The following SRPK1 variants were observed in gnomAD, a reference collection of about 807,000 sequenced individuals.
The protein encoded by SRPK1 is SFRS protein kinase 1.
SRPK1 carries 52 observed loss-of-function variants against 89.5 expected under a neutral mutation model. That is an observed-to-expected ratio of 0.58 (90% CI 0.46 to 0.73). The LOEUF (loss-of-function observed/expected upper bound fraction) is 0.73. SRPK1 is among the 30% of genes least tolerant of loss of function. The pLI, the probability that SRPK1 is intolerant of heterozygous loss-of-function variation, is 0.00. For missense variants in SRPK1, 603 were observed against 780.6 expected, an observed-to-expected ratio of 0.77 and a Z score of 2.71; for synonymous variants, 255 against 270.2, an observed-to-expected ratio of 0.94 and a Z score of 0.55.
rs1769333951 is a variant in SRPK1, at chr6:35,842,548, G to A, written c.1677C>T (p.Tyr559=). ...AAGGGGACTCACCTTCATCTCGAGT[G>A]TACTCTTCCCCTGAATGAGGTTCAA... ...YLFEPHSGEE[Y]TRDEDHIALI... Residue 559 remains tyrosine (Y), a synonymous_variant, in exon 14 of 16, where the codon TAC becomes TAT. Transcript: ENST00000373825. 1 of 1,611,562 alleles carries A rather than the reference G, an allele frequency of 6.2e-7. No individual in the cohort carries two copies. The highest frequency in any genetic ancestry group is 1.1e-5 in the South Asian group (1 of 90,574).
chr6:35,858,441 G>A (rs1189238564), intron 12 of SRPK1, among the ~76,000 whole-genome samples: 1 of 151,984 alleles, frequency 6.6e-6, no homozygotes, highest in Non-Finnish European at 1.5e-5. Flanking sequence ...GCTGAGTGAG[G>A]CATATCACTA....
At chr6:35,885,260 AACAC>A (rs71540130) in intron 6 of SRPK1, among the ~76,000 whole-genome samples, 3,493 of 111,704 alleles carry the variant, frequency 0.031, 66 homozygotes, top group East Asian at 0.053. Flanking sequence ...TAATTCTTTG[AACAC>A]ACACACACAC....
chr6:35,877,564 C>T lies in SRPK1; in HGVS notation c.479-3225G>A, dbSNP rs1341231013. 2.6e-5 allele frequency among the ~76,000 whole-genome samples: 4 copies of T among 152,154 alleles called. No homozygotes were observed. In the South Asian group the frequency reaches 8.3e-4, roughly 32 times the overall value. On this transcript the variant is annotated intron_variant, in intron 6 of 15. Transcript: ENST00000373825. ...ATTTTTTAGAAGACTGAAAATGGGC[C>T]GGGTGCAGTGGCTCATGGCTGTAAT...
At chr6:35,854,641 A>C (rs1439995649) in intron 13 of SRPK1, among the ~76,000 whole-genome samples, 1 of 152,178 alleles carries the variant, frequency 6.6e-6, no homozygotes, top group Non-Finnish European at 1.5e-5. Flanking sequence ...TTACTTCTTA[A>C]GCCTGACATT....
intron 2 of SRPK1, among the ~76,000 whole-genome samples, chr6:35,914,080 A>G (rs1771038511): frequency 6.7e-6 from 1 of 149,814 alleles, no homozygotes; most frequent in African/African-American, 2.5e-5. Context: ...GGTTCAAGCA[A>G]TTCTCCTGCC....
At chr6:35,907,304 A>G (rs1294474936) in intron 2 of SRPK1, among the ~76,000 whole-genome samples, 1 of 152,216 alleles carries the variant, frequency 6.6e-6, no homozygotes, top group Non-Finnish European at 1.5e-5. Flanking sequence ...GACATTAAAG[A>G]CTTGTTTAAA....
chr6:35,890,731 A>G (rs1183365616), intron 3 of SRPK1, among the ~76,000 whole-genome samples, 164 bp downstream of exon 3: 1 of 152,242 alleles, frequency 6.6e-6, no homozygotes. Flanking sequence ...TTAGGCTTTG[A>G]TAAATTAAGT....
rs766614823 is a variant in SRPK1, at chr6:35,838,371, T to C, written c.1749A>G (p.Ala583=). The C allele has an allele frequency of 1.3e-6, 2 of 1,581,524 alleles. No individual in the cohort carries two copies. The highest frequency in any genetic ancestry group is 2.4e-5 in the South Asian group (2 of 83,868). Residue 583 remains alanine, a synonymous_variant, in exon 15 of 16, where the codon GCA becomes GCG. Transcript: ENST00000373825. ...TGAAAAATTCCTTGGAATATTTTCC[T>C]GCCACAATGAGCTTGCGAGGCACCT... is the stretch of plus-strand genomic sequence containing the variant. ...LGKVPRKLIV[A]GKYSKEFFTK... is the part of the protein sequence containing the mutation.
rs112931430 is a variant in SRPK1, at chr6:35,918,220, G to A, written c.74+2248C>T. 5.3e-3 allele frequency among the ~76,000 whole-genome samples: 660 copies of A among 125,684 alleles called. 5 individuals are homozygous for A. Among genetic ancestry groups the A allele is most frequent in the African/African-American group, 0.017 (595 of 34,304 alleles). The allele number at this position is 125,684 out of a possible 152,430, so 82.5% of individuals were successfully genotyped here. ...AGACAAAAAGGAAGAAAGAAAAAGA[G>A]CAAGGTGCAGTGGCTCATGCCTGTA... On this transcript the variant is annotated intron_variant, in intron 2 of 15. Transcript: ENST00000373825.
At chr6:35,875,687 C>T (rs549700845) in intron 6 of SRPK1, among the ~76,000 whole-genome samples, 3 of 152,150 alleles carry the variant, frequency 2.0e-5, no homozygotes, top group African/African-American at 4.8e-5. Context: ...ACCATTTTTA[C>T]AATCACTATA....
At chr6:35,920,285 G>A (rs894784586) in intron 2 of SRPK1, 183 bp downstream of exon 2, 12 of 692,756 alleles carry the variant, frequency 1.7e-5, no homozygotes, top group Non-Finnish European at 2.9e-5. Context: ...CCCAGGCCTG[G>A]CGTTGAGCAA....
chr6:35,886,176 G>T (rs1196460141), intron 6 of SRPK1, among the ~76,000 whole-genome samples: 1 of 150,610 alleles, frequency 6.6e-6, no homozygotes, highest in Non-Finnish European at 1.5e-5. Flanking sequence ...TGCCTCCCCA[G>T]TTCAAGTGAT....
At position 35,834,116 on chromosome 6, in the gene SRPK1, TAGC is replaced by T. The variant is rs939575386; in HGVS notation, c.*1185_*1187del. The T allele has an allele frequency of 9.3e-4, 141 of 152,242 alleles. 3 individuals carry two copies. Among genetic ancestry groups the T allele is most frequent in the Non-Finnish European group, 4.4e-5 (3 of 67,978 alleles). 9.4% of individuals were successfully genotyped at this position (152,242 alleles called of 1,614,324 possible). ...TAAAAATTGACATTATGTAGGGAAA[TAGC>T]AGCAGAGAATGGCTAATCTTAAAAA... On this transcript the variant is annotated 3_prime_UTR_variant, in exon 16 of 16. Coordinates refer to ENST00000373825, the MANE Select transcript of SRPK1 (RefSeq NM_003137.5).
chr6:35,870,516 A>AT, intron 9 of SRPK1, 22 bp from the exon 10 acceptor site: 1 of 1,545,784 alleles, frequency 6.5e-7, no homozygotes, highest in Non-Finnish European at 8.7e-7. Flanking sequence ...TTACAAACAG[A>AT]TAAAGCCTTC....
chr6:35,886,026 G>C (rs1008144253), intron 6 of SRPK1, among the ~76,000 whole-genome samples: 8 of 151,254 alleles, frequency 5.3e-5, no homozygotes, highest in African/African-American at 1.9e-4. Context: ...TGTTCATCCA[G>C]TTTCTTTCTT....
chr6:35,912,994 C>G (rs894737643), intron 2 of SRPK1, among the ~76,000 whole-genome samples: 1 of 152,182 alleles, frequency 6.6e-6, no homozygotes, highest in Non-Finnish European at 1.5e-5. Flanking sequence ...GTTGCCCAGG[C>G]TAATCTCAAG....
intron 12 of SRPK1, among the ~76,000 whole-genome samples, chr6:35,863,676 G>A (rs923717042): frequency 6.6e-6 from 1 of 151,254 alleles, no homozygotes; most frequent in Admixed American, 6.6e-5. Context: ...CAAAAGCTGA[G>A]GGATTTCAAA....
chr6:35,861,898 G>C (rs1315467950), intron 12 of SRPK1, among the ~76,000 whole-genome samples: 1 of 152,160 alleles, frequency 6.6e-6, no homozygotes, highest in Non-Finnish European at 1.5e-5. Flanking sequence ...GCACCATTTT[G>C]AGAGTTTAAA....
intron 13 of SRPK1, among the ~76,000 whole-genome samples, chr6:35,851,950 T>A (rs1180766713): frequency 6.6e-6 from 1 of 152,338 alleles, no homozygotes; most frequent in East Asian, 1.9e-4. Context: ...AATCAAAGCA[T>A]GCCTAAAATA....
Sources: gnomAD v4.1 joint callset for allele counts (sites outside exome capture counted in the v4.1 genomes callset) on GRCh38, gnomAD v4.1.1 for gene constraint, MANE v1.5 for transcripts, NCBI Gene and HGNC (gene_info 2026-07-23, HGNC 2026-07-21) for gene names.